Variants in CIDEA observed in about 807,000 individuals in gnomAD.
CIDEA encodes lipid transferase CIDEA.
In CIDEA, 10 loss-of-function variants were observed where a neutral mutation model predicts 18.2. The observed-to-expected ratio is 0.55, with a 90% CI of 0.34 to 0.93. CIDEA has a LOEUF of 0.93. CIDEA is among the 40% of genes least tolerant of loss of function. The pLI is 0.02. For missense variants in CIDEA, 309 were observed against 293.1 expected (o/e 1.05, Z -0.40); for synonymous variants, 128 against 124.8 (o/e 1.03, Z -0.17).
At chr18:12,274,592 C>G (rs531015979) in intron 4 of CIDEA, among the ~76,000 whole-genome samples, 1 of 152,326 alleles carries the variant, frequency 6.6e-6, no homozygotes, top group African/African-American at 2.4e-5. Context: ...ATGACTAAAA[C>G]CAGAGCCATG....
chr18:12,266,923 G>T (rs1472731070), intron 3 of CIDEA, among the ~76,000 whole-genome samples: 2 of 152,046 alleles, frequency 1.3e-5, no homozygotes, highest in Non-Finnish European at 2.9e-5. Flanking sequence ...ACCACGCCTG[G>T]CTAATTTTTG....
rs148036220 is a variant in CIDEA at position 12,274,246 on chromosome 18, C to A, written c.484C>A (p.Arg162=). 11 of 1,614,172 alleles carry A rather than the reference C, an allele frequency of 6.8e-6. No homozygotes were observed. The highest frequency in any genetic ancestry group is 1.6e-4 in the Middle Eastern group (1 of 6,062). ...YEMYSVSYDI[R]CTGLKGLLRS... ...GATGTACTCCGTGTCCTACGACATC[C>A]GGTGCACGGGACTCAAGGGCCTGCT... Residue 162 remains arginine (R), a synonymous_variant, in exon 4 of 5, where the codon CGG becomes AGG. Coordinates refer to ENST00000320477, the MANE Select transcript of CIDEA (RefSeq NM_001279.4).
chr18:12,277,036 G>T (rs1432362830), intron 4 of CIDEA, 87 bp from the exon 5 acceptor site: 1 of 1,476,836 alleles, frequency 6.8e-7, no homozygotes, highest in Non-Finnish European at 9.3e-7. Flanking sequence ...GTGCCTTTTG[G>T]TGGGGGGAGT....
At position 12,257,448 on chromosome 18, in the gene CIDEA, T is replaced by C. The variant is rs527465424; in HGVS notation, c.38+3027T>C. Reference sequence around the variant, plus strand: ...ATAGGTGGCATGTAAAGAAAGCTTTTTAATTCTCTGTACGGCTCAGGTTTG... The same window carrying C: ...ATAGGTGGCATGTAAAGAAAGCTTTCTAATTCTCTGTACGGCTCAGGTTTG... On this transcript the variant is annotated intron_variant, in intron 1 of 4. Coordinates refer to ENST00000320477, the MANE Select transcript of CIDEA (RefSeq NM_001279.4). Among the ~76,000 whole-genome samples, 3 of 152,368 alleles carry C rather than the reference T, an allele frequency of 2.0e-5. No individual in the cohort carries two copies. In the South Asian group the frequency reaches 6.2e-4, roughly 32 times the overall value.
intron 1 of CIDEA, among the ~76,000 whole-genome samples, chr18:12,255,181 G>A (rs1195679400): frequency 6.6e-6 from 1 of 152,206 alleles, no homozygotes; most frequent in East Asian, 1.9e-4. Context: ...AAGTCATTGC[G>A]TGGCAGCAAC....
At position 12,264,463 on chromosome 18, in the gene CIDEA, A is replaced by G; in HGVS notation, c.330+10A>G. The G allele has an allele frequency of 6.2e-7, 1 of 1,611,462 alleles. No individual in the cohort carries two copies. Among genetic ancestry groups the G allele is most frequent in the Non-Finnish European group, 8.5e-7 (1 of 1,178,564 alleles). Reference sequence around the variant, plus strand: ...ACAGAAGTGGATGCCGGTAAGCAAAAACACTGTCACCCAAACAGCTACTGG... The same window carrying G: ...ACAGAAGTGGATGCCGGTAAGCAAAGACACTGTCACCCAAACAGCTACTGG... On this transcript the variant is annotated intron_variant, in intron 3 of 4. Coordinates refer to ENST00000320477, the MANE Select transcript of CIDEA (RefSeq NM_001279.4).
chr18:12,274,424 TC>T, intron 4 of CIDEA, 150 bp downstream of exon 4: 1 of 632,134 alleles, frequency 1.6e-6, no homozygotes. Flanking sequence ...TCAACTCTTA[TC>T]CCACAGGCTC....
intron 3 of CIDEA, among the ~76,000 whole-genome samples, chr18:12,270,894 C>CTTTTTTTTTTTTTTTTTTTTT (rs771335202): frequency 3.5e-4 from 21 of 60,018 alleles, no homozygotes; most frequent in East Asian, 6.6e-4. Flanking sequence ...TTTTTCTTTT[C>CTTTTTTTTTTTTTTTTTTTTT]TTTTTTTTTT....
chr18:12,254,541 GC>G (rs1568098661), intron 1 of CIDEA, 120 bp downstream of exon 1: 2 of 1,277,274 alleles, frequency 1.6e-6, no homozygotes, highest in East Asian at 6.4e-5. Context: ...CCTGCTCCCC[GC>G]ATTCTCTTGC....
intron 3 of CIDEA, among the ~76,000 whole-genome samples, chr18:12,268,669 T>C (rs1036862667): frequency 6.6e-6 from 1 of 152,216 alleles, no homozygotes; most frequent in Non-Finnish European, 1.5e-5. Flanking sequence ...CCCACAGTGC[T>C]GGGATTACAG....
chr18:12,262,834 A>T lies in CIDEA; in HGVS notation c.48A>T (p.Thr16=). ...DYAGALIRPL[T]FMGSQTKRVL... ...TCACCTCCATTTTCAGGCCCCTGACATTTATGGGATCACAGACTAAGCGAG... is the reference window on the plus strand; with the variant it reads ...TCACCTCCATTTTCAGGCCCCTGACTTTTATGGGATCACAGACTAAGCGAG... Residue 16 remains threonine, a synonymous_variant, in exon 2 of 5, where the codon ACA becomes ACT. Coordinates refer to ENST00000320477, the MANE Select transcript of CIDEA (RefSeq NM_001279.4). 3 of 1,613,132 alleles carry T rather than the reference A, an allele frequency of 1.9e-6. No individual in the cohort carries two copies. Among genetic ancestry groups the T allele is most frequent in the Non-Finnish European group, 2.5e-6 (3 of 1,179,338 alleles).
chr18:12,264,180 C>T, intron 2 of CIDEA, 127 bp from the exon 3 acceptor site: 1 of 850,748 alleles, frequency 1.2e-6, no homozygotes, highest in Non-Finnish European at 1.7e-6. Context: ...TCAAGGTTAC[C>T]TTTACCATTA....
chr18:12,265,755 G>A (rs2144072309), intron 3 of CIDEA, among the ~76,000 whole-genome samples: 1 of 152,250 alleles, frequency 6.6e-6, no homozygotes, highest in Admixed American at 6.5e-5. Context: ...TGGCCTCAAA[G>A]AGTTTTCATT....
At position 12,262,929 on chromosome 18, in the gene CIDEA, G is replaced by A. The variant is rs149949331; in HGVS notation, c.143G>A (p.Arg48His). ...TCCAACCATGACAGGAGCAGCCGGC[G>A]TGGGGTGATGGCAAGCAGCCTGCAG... ...RVSNHDRSSR[R>H]GVMASSLQEL... is the part of the protein sequence containing the mutation. The change falls in exon 2 of 5, where the codon CGT (arginine) becomes CAT (histidine). Residue 48 changes from arginine to histidine, a missense_variant. Arg to His is a conservative substitution (Grantham distance 29, BLOSUM62 0). Transcript: ENST00000320477. 6.4e-5 allele frequency: 104 copies of A among 1,614,028 alleles called. 1 individual carries two copies. The highest frequency in any genetic ancestry group is 4.9e-4 in the Middle Eastern group (3 of 6,084).
chr18:12,265,961 A>T (rs558390581), intron 3 of CIDEA, among the ~76,000 whole-genome samples: 37 of 152,308 alleles, frequency 2.4e-4, no homozygotes, highest in Non-Finnish European at 3.4e-4. Context: ...CTAAATAAAT[A>T]AATTAATTAA....
intron 1 of CIDEA, among the ~76,000 whole-genome samples, chr18:12,257,790 G>T (rs937236482): frequency 2.6e-5 from 4 of 152,212 alleles, no homozygotes; most frequent in African/African-American, 9.7e-5. Flanking sequence ...CAGTTCTCAT[G>T]TGTGGTGTGT....
chr18:12,264,413 C>A lies in CIDEA; in HGVS notation c.290C>A (p.Thr97Lys). The A allele has an allele frequency of 1.2e-6, 2 of 1,614,006 alleles. No individual in the cohort carries two copies. The highest frequency in any genetic ancestry group is 8.5e-7 in the Non-Finnish European group (1 of 1,179,918). ...EEFFQTLGDN[T>K]HFMILEKGQK... ...TTCTTTCAGACCTTGGGAGACAACA[C>A]GCATTTCATGATCTTGGAAAAAGGA... Residue 97 changes from threonine (T) to lysine (K), a missense_variant, in exon 3 of 5, where the codon ACG (threonine) becomes AAG (lysine). Coordinates refer to ENST00000320477, the MANE Select transcript of CIDEA (RefSeq NM_001279.4).
At chr18:12,266,891 G>A (rs1912365689) in intron 3 of CIDEA, among the ~76,000 whole-genome samples, 1 of 151,760 alleles carries the variant, frequency 6.6e-6, no homozygotes, top group Non-Finnish European at 1.5e-5. Flanking sequence ...CTCCCGAGTA[G>A]CTGGGACTAC....
chr18:12,264,179 C>T (rs1912275618), intron 2 of CIDEA, 128 bp from the exon 3 acceptor site: 6 of 832,938 alleles, frequency 7.2e-6, no homozygotes, highest in Non-Finnish European at 1.1e-5. Context: ...GTCAAGGTTA[C>T]CTTTACCATT....
Sources: gnomAD v4.1 joint callset for allele counts (sites outside exome capture counted in the v4.1 genomes callset) on GRCh38, gnomAD v4.1.1 for gene constraint, MANE v1.5 for transcripts, NCBI Gene and HGNC (gene_info 2026-07-23, HGNC 2026-07-21) for gene names.